The following AKAP13 variants were observed in gnomAD, a reference collection of about 807,000 sequenced individuals.
AKAP13 encodes the protein A-kinase anchoring protein 13.
In AKAP13, 80 loss-of-function variants were observed where a neutral mutation model predicts 264.5. The ratio of observed to expected loss-of-function variants is 0.30; its 90% CI spans 0.25 to 0.36. The LOEUF (loss-of-function observed/expected upper bound fraction) is 0.36. AKAP13 is among the 10% of genes least tolerant of loss of function. The pLI is 1.00. For synonymous variants in AKAP13, 1,380 were observed against 1,250.2 expected (o/e 1.10, Z -2.19); for missense variants, 3,712 against 3,435.2 (o/e 1.08, Z -2.01).
intron 1 of AKAP13, among the ~76,000 whole-genome samples, chr15:85,452,864 T>C (rs1412192168): frequency 6.6e-6 from 1 of 152,210 alleles, no homozygotes; most frequent in African/African-American, 2.4e-5. Flanking sequence ...TCTCAGTATT[T>C]ATGTTCCTCC....
intron 1 of AKAP13, among the ~76,000 whole-genome samples, chr15:85,393,487 T>C (rs2070964682): frequency 6.6e-6 from 1 of 152,256 alleles, no homozygotes; most frequent in African/African-American, 2.4e-5. Flanking sequence ...GCTGTGTGTA[T>C]GTTTAGAGCA....
At chr15:85,630,616 A>G (rs1196420482) in intron 8 of AKAP13, among the ~76,000 whole-genome samples, 3 of 152,292 alleles carry the variant, frequency 2.0e-5, no homozygotes, top group Admixed American at 1.3e-4. Flanking sequence ...CACAGTTTTT[A>G]AAAAATAGAA....
chr15:85,442,489 TAA>T lies in AKAP13; in HGVS notation c.-11-43220_-11-43219del, dbSNP rs1491561852. On this transcript the variant is annotated intron_variant, in intron 1 of 36. Transcript: ENST00000394518. The stretch of plus-strand genomic sequence containing the variant: ...CATAATATATATTATATAATATATA[TAA>T]TATATATTATATTATATATAATATA... Among the ~76,000 whole-genome samples, 4 of 109,740 alleles carry T rather than the reference TAA, an allele frequency of 3.6e-5. No individual in the cohort carries two copies. In the South Asian group the frequency reaches 1.0e-3, roughly 29 times the overall value. The allele number at this position is 109,740 out of a possible 152,430, so 72.0% of individuals were successfully genotyped here.
chr15:85,642,952 A>G (rs1463500452), intron 9 of AKAP13, among the ~76,000 whole-genome samples: 1 of 151,152 alleles, frequency 6.6e-6, no homozygotes, highest in African/African-American at 2.4e-5. Context: ...TTTTTCAAGC[A>G]GGGAAAGGAG....
intron 16 of AKAP13, among the ~76,000 whole-genome samples, chr15:85,688,540 T>C (rs541425460): frequency 6.6e-6 from 1 of 152,344 alleles, no homozygotes; most frequent in South Asian, 2.1e-4. Flanking sequence ...TTGCATGATA[T>C]ATATATCTTT....
chr15:85,582,849 G>A (rs2079181197), intron 7 of AKAP13: 1 of 985,276 alleles, frequency 1.0e-6, no homozygotes. Context: ...CTGAGCTGCT[G>A]TCACAGGGCA....
chr15:85,589,080 TAACTC>T (rs1468846770), intron 8 of AKAP13, among the ~76,000 whole-genome samples: 4 of 152,170 alleles, frequency 2.6e-5, no homozygotes, highest in Non-Finnish European at 5.9e-5. Context: ...TCTGACTACT[TAACTC>T]TTCTCCGTGG....
chr15:85,659,933 A>G (rs1054852913), intron 12 of AKAP13, among the ~76,000 whole-genome samples: 3 of 152,208 alleles, frequency 2.0e-5, no homozygotes, highest in Non-Finnish European at 4.4e-5. Flanking sequence ...TATCCCTACT[A>G]ATTGAGGAAT....
intron 14 of AKAP13, chr15:85,676,884 T>C (rs1348127601): frequency 2.1e-6 from 2 of 951,662 alleles, no homozygotes; most frequent in African/African-American, 3.5e-5. Flanking sequence ...CGGAACCGCA[T>C]AGGCCATTGA....
chr15:85,658,629 C>G (rs931414805), intron 12 of AKAP13, 39 bp downstream of exon 12: 2 of 1,563,068 alleles, frequency 1.3e-6, no homozygotes, highest in Admixed American at 1.7e-5. Flanking sequence ...ACCATGTCAC[C>G]TCTGAGCATA....
At chr15:85,442,444 AAATATACATATAT>A (rs1470242260) in intron 1 of AKAP13, among the ~76,000 whole-genome samples, 1 of 130,726 alleles carries the variant, frequency 7.6e-6, no homozygotes, top group African/African-American at 2.8e-5. Flanking sequence ...ATATAATATA[AAATATACATATAT>A]AATATACATA....
At chr15:85,570,902 G>A (rs779914253) in intron 5 of AKAP13, among the ~76,000 whole-genome samples, 5 of 152,096 alleles carry the variant, frequency 3.3e-5, no homozygotes, top group Non-Finnish European at 5.9e-5. Context: ...GCAAAACCTC[G>A]GTCTAGAAGA....
At chr15:85,690,075 G>A (rs2085193821) in intron 16 of AKAP13, 3 of 152,262 alleles carry the variant, frequency 2.0e-5, no homozygotes, top group African/African-American at 7.2e-5. Context: ...CCACATAACA[G>A]TGAGATTCAT....
At chr15:85,419,641 G>A (rs1209442850) in intron 1 of AKAP13, among the ~76,000 whole-genome samples, 5 of 152,122 alleles carry the variant, frequency 3.3e-5, no homozygotes, top group African/African-American at 1.2e-4. Flanking sequence ...GGGATGGAGA[G>A]GGAATGTAGA....
intron 10 of AKAP13, among the ~76,000 whole-genome samples, chr15:85,654,327 C>G (rs533035439): frequency 3.3e-4 from 50 of 152,250 alleles, no homozygotes; most frequent in Non-Finnish European, 6.5e-4. Flanking sequence ...CACAGACTTC[C>G]TTTTGGAATA....
In AKAP13 at chr15:85,710,707, G is replaced by A. The variant is rs2086590362; in HGVS notation, c.5599+62G>A. Reference sequence around the variant, plus strand: ...ACTTTCTGGTTCTGAATGTAAAAATGCTGTTGTAATATTCAGTTATTATTC... The same window carrying A: ...ACTTTCTGGTTCTGAATGTAAAAATACTGTTGTAATATTCAGTTATTATTC... On this transcript the variant is annotated intron_variant, in intron 19 of 36. Coordinates refer to ENST00000394518, the MANE Select transcript of AKAP13 (RefSeq NM_007200.5). 4 of 1,552,312 alleles carry A rather than the reference G, an allele frequency of 2.6e-6. No individual in the cohort carries two copies. In the South Asian group the frequency reaches 3.5e-5, roughly 14 times the overall value.
Position 85,693,295 on chromosome 15 carries a change from G to A in AKAP13, c.5308G>A (p.Asp1770Asn). ...KKSKEKEKEK[D>N]KIKEKEKDSK... is the part of the protein sequence containing the mutation. Reference sequence around the variant, plus strand: ...TCGGCAGGAAAAGGAAAAAGAAAAAGATAAGATTAAGGAGAAGGAGAAAGA... The same window carrying A: ...TCGGCAGGAAAAGGAAAAAGAAAAAAATAAGATTAAGGAGAAGGAGAAAGA... Residue 1770 changes from aspartate (D) to asparagine (N), a missense_variant, in exon 17 of 37, where the codon GAT becomes AAT. Physicochemically the swap from Asp to Asn is conservative, Grantham distance 23. This residue lies in a region of AKAP13 where 2,759 missense variants were observed against 2,411.7 expected (regional missense o/e 1.14). Transcript: ENST00000394518. 6.3e-7 allele frequency: 1 copy of A among 1,594,462 alleles called. No individual in the cohort carries two copies. Among genetic ancestry groups the A allele is most frequent in the Non-Finnish European group, 8.5e-7 (1 of 1,175,074 alleles).
At chr15:85,553,276 C>T (rs2078028883) in intron 5 of AKAP13, among the ~76,000 whole-genome samples, 1 of 151,982 alleles carries the variant, frequency 6.6e-6, no homozygotes, top group African/African-American at 2.4e-5. Flanking sequence ...TTAGTAGAAA[C>T]AGGGTTTCAC....
At chr15:85,705,253 A>G (rs1337731546) in intron 17 of AKAP13, among the ~76,000 whole-genome samples, 1 of 152,182 alleles carries the variant, frequency 6.6e-6, no homozygotes, top group African/African-American at 2.4e-5. Flanking sequence ...CTTAAAAATC[A>G]TCATTGCTTA....
Sources: allele counts gnomAD v4.1 joint callset (sites outside exome capture counted in the v4.1 genomes callset), GRCh38; gene constraint gnomAD v4.1.1; regional missense constraint gnomAD v4.1.1; transcripts MANE v1.5; gene names NCBI Gene and HGNC (gene_info 2026-07-23, HGNC 2026-07-21).